Variants in RUNX1T1 observed in about 807,000 individuals in gnomAD.
RUNX1T1 encodes protein CBFA2T1.
In RUNX1T1, 4 loss-of-function variants were observed where a neutral mutation model predicts 62.8. The observed-to-expected ratio is 0.06, with a 90% CI of 0.03 to 0.15. The LOEUF is 0.15. Ranked by LOEUF, RUNX1T1 falls within the 10% of genes least tolerant of loss-of-function variation. The pLI, the probability that RUNX1T1 is intolerant of heterozygous loss-of-function variation, is 1.00. For missense variants in RUNX1T1, 508 were observed against 754.3 expected, an observed-to-expected ratio of 0.67 and a Z score of 3.82; for synonymous variants, 291 against 286.0, an observed-to-expected ratio of 1.02 and a Z score of -0.18.
At chr8:91,996,833 T>C (rs1818788988) in intron 5 of RUNX1T1, among the ~76,000 whole-genome samples, 2 of 151,530 alleles carry the variant, frequency 1.3e-5, no homozygotes, top group African/African-American at 4.8e-5. Flanking sequence ...CTTTAAAAAC[T>C]ACATGAGGCT....
At chr8:91,998,837 G>T (rs1476619373) in intron 5 of RUNX1T1, among the ~76,000 whole-genome samples, 2 of 152,110 alleles carry the variant, frequency 1.3e-5, no homozygotes, top group Non-Finnish European at 2.9e-5. Context: ...CACAGCATTT[G>T]GTTCCTGGGC....
At chr8:92,030,736 C>T (rs1826063530) in intron 1 of RUNX1T1, among the ~76,000 whole-genome samples, 1 of 152,186 alleles carries the variant, frequency 6.6e-6, no homozygotes, top group African/African-American at 2.4e-5. Context: ...TCTCATTCTT[C>T]TTCTGCAGTG....
At chr8:92,060,244 A>G (rs1172376375) in intron 1 of RUNX1T1, among the ~76,000 whole-genome samples, 1 of 152,022 alleles carries the variant, frequency 6.6e-6, no homozygotes, top group Non-Finnish European at 1.5e-5. Flanking sequence ...ATTTCTTTAA[A>G]GCATCCTTAG....
At chr8:92,049,958 C>A (rs1384808964) in intron 1 of RUNX1T1, among the ~76,000 whole-genome samples, 1 of 152,146 alleles carries the variant, frequency 6.6e-6, no homozygotes, top group Non-Finnish European at 1.5e-5. Flanking sequence ...TGTCTAATAA[C>A]TATGCAACTA....
chr8:92,015,884 C>T (rs1822891595), intron 2 of RUNX1T1, among the ~76,000 whole-genome samples: 1 of 152,156 alleles, frequency 6.6e-6, no homozygotes, highest in Admixed American at 6.5e-5. Context: ...TCACAGGAGA[C>T]ATATGCTTAC....
chr8:92,058,563 A>G (rs1831409779), intron 1 of RUNX1T1, among the ~76,000 whole-genome samples: 1 of 152,176 alleles, frequency 6.6e-6, no homozygotes, highest in Non-Finnish European at 1.5e-5. Context: ...TACAAACAGC[A>G]CAGTTAAGAA....
intron 1 of RUNX1T1, among the ~76,000 whole-genome samples, chr8:92,040,549 A>G (rs1195172431): frequency 6.6e-6 from 1 of 152,204 alleles, no homozygotes; most frequent in African/African-American, 2.4e-5. Flanking sequence ...TTTTAAAAAA[A>G]CAAAAAAGGT....
intron 1 of RUNX1T1, among the ~76,000 whole-genome samples, chr8:92,060,553 A>ATATGTGTGTGTGTGTG: frequency 8.3e-4 from 53 of 63,918 alleles, no homozygotes; most frequent in African/African-American, 2.6e-3. Context: ...ATATATATAT[A>ATATGTGTGTGTGTGTG]TGTGTGTGTG....
At chr8:92,041,446 A>G (rs965162188) in intron 1 of RUNX1T1, among the ~76,000 whole-genome samples, 2 of 152,188 alleles carry the variant, frequency 1.3e-5, no homozygotes, top group African/African-American at 4.8e-5. Context: ...AAACTGTTTA[A>G]AACTTTGGGT....
intron 6 of RUNX1T1, among the ~76,000 whole-genome samples, chr8:91,988,914 AAAAT>A (rs1817102349): frequency 6.6e-6 from 1 of 152,200 alleles, no homozygotes; most frequent in Non-Finnish European, 1.5e-5. Context: ...TTAAAAATAA[AAAAT>A]AAATCAAGAT....
rs191781721 is a variant in RUNX1T1 at position 92,079,556 on chromosome 8, G to A, written c.-85-3419C>T. On this transcript the variant is annotated intron_variant, in intron 1 of 11. Coordinates refer to the RUNX1T1 transcript ENST00000265814. ...CTGTGTGATTTGGGTGCCCCTCATC[G>A]CAGGTCATGTGAACTAAATGTCATT... is the stretch of plus-strand genomic sequence containing the variant. 3.0e-3 allele frequency among the ~76,000 whole-genome samples: 456 copies of A among 152,196 alleles called. 8 individuals are homozygous for A. Among genetic ancestry groups the A allele is most frequent in the Non-Finnish European group, 9.7e-4 (66 of 68,012 alleles).
upstream of RUNX1T1, among the ~76,000 whole-genome samples, chr8:92,100,712 C>T (rs1032295682): frequency 6.6e-6 from 1 of 152,066 alleles, no homozygotes; most frequent in East Asian, 1.9e-4. Flanking sequence ...AGGAAAAAAA[C>T]GAAAATGAAA....
chr8:92,084,593 C>T (rs1258784908), intron 1 of RUNX1T1, among the ~76,000 whole-genome samples: 1 of 152,198 alleles, frequency 6.6e-6, no homozygotes, highest in African/African-American at 2.4e-5. Context: ...CTGTTCCAGA[C>T]TCCCACTTTT....
chr8:92,001,618 T>C (rs1307428899), intron 5 of RUNX1T1, among the ~76,000 whole-genome samples: 1 of 152,102 alleles, frequency 6.6e-6, no homozygotes, highest in Non-Finnish European at 1.5e-5. Flanking sequence ...TTAACATCCA[T>C]CATTTGAGAT....
chr8:92,101,250 A>C (rs1454947825), upstream of RUNX1T1, among the ~76,000 whole-genome samples: 1 of 152,252 alleles, frequency 6.6e-6, no homozygotes, highest in East Asian at 1.9e-4. Flanking sequence ...CTTTATCAGG[A>C]GATAAATCAA....
rs79193526 is a variant in RUNX1T1 at position 92,058,024 on chromosome 8, T to C, written c.7+4522A>G. On this transcript the variant is annotated intron_variant, in intron 1 of 10. Coordinates refer to ENST00000396218, the Ensembl canonical transcript of RUNX1T1. The stretch of plus-strand genomic sequence containing the variant: ...GAAGGAGCCAGGCAAGGCATTCCAA[T>C]AGGCGTTCGTGTAGCCCATTGTGCA... 9.1e-3 allele frequency among the ~76,000 whole-genome samples: 1,390 copies of C among 152,274 alleles called. 18 individuals carry two copies. The highest frequency in any genetic ancestry group is 0.032 in the African/African-American group (1,322 of 41,550).
intron 1 of RUNX1T1, among the ~76,000 whole-genome samples, chr8:92,023,315 G>C (rs1824481574): frequency 6.6e-6 from 1 of 151,954 alleles, no homozygotes. Flanking sequence ...AATATTCTCT[G>C]GTTTCTTTCT....
At chr8:91,976,854 A>G (rs936552074) in intron 8 of RUNX1T1, among the ~76,000 whole-genome samples, 1 of 152,342 alleles carries the variant, frequency 6.6e-6, no homozygotes, top group East Asian at 1.9e-4. Flanking sequence ...CTCCTTATAT[A>G]GAAGAGTTCG....
At chr8:92,057,295 T>C (rs751651852) in intron 1 of RUNX1T1, among the ~76,000 whole-genome samples, 4 of 152,144 alleles carry the variant, frequency 2.6e-5, no homozygotes, top group African/African-American at 7.2e-5. Context: ...AGCCACAACA[T>C]ACCCAACCCC....
Sources: allele counts gnomAD v4.1 joint callset (sites outside exome capture counted in the v4.1 genomes callset), GRCh38; gene constraint gnomAD v4.1.1; transcripts MANE v1.5; gene names NCBI Gene and HGNC (gene_info 2026-07-23, HGNC 2026-07-21).